SEMA5A: variants seen among roughly 807,000 people sequenced by gnomAD.
The protein encoded by SEMA5A is semaphorin-5A.
SEMA5A carries 55 observed loss-of-function variants against 135.5 expected under a neutral mutation model. The ratio of observed to expected loss-of-function variants is 0.41; its 90% CI spans 0.33 to 0.51. SEMA5A has a LOEUF of 0.51. Ranked by LOEUF, SEMA5A falls within the 20% of genes least tolerant of loss-of-function variation. The probability of loss-of-function intolerance (pLI) is 0.37; values close to 1 mark genes in which losing one functional copy is unlikely to be tolerated. For synonymous variants in SEMA5A, 580 were observed against 546.5 expected (o/e 1.06, Z -0.85); for missense variants, 1,290 against 1,419.9 (o/e 0.91, Z 1.47).
At chr5:9,264,763 T>C (rs1008315444) in intron 5 of SEMA5A, among the ~76,000 whole-genome samples, 6 of 152,162 alleles carry the variant, frequency 3.9e-5, no homozygotes, top group African/African-American at 1.4e-4. Flanking sequence ...TGTTTTATAA[T>C]TTTATGTATC....
In SEMA5A at chr5:9,508,306, A is replaced by G. The variant is rs541661010; in HGVS notation, c.-175+37278T>C. On this transcript the variant is annotated intron_variant, in intron 1 of 22. Transcript: ENST00000382496. ...AGCCCCCACCACCACCGCATCCAGT[A>G]GTCACCGAATCGTGTACATCAAGCC... Among the ~76,000 whole-genome samples the G allele has an allele frequency of 6.6e-5, 10 of 152,276 alleles. No homozygotes were observed. The South Asian group carries it at 8.3e-4, about 13-fold the overall frequency.
At chr5:9,329,149 C>T (rs1052976826) in intron 4 of SEMA5A, among the ~76,000 whole-genome samples, 5 of 152,284 alleles carry the variant, frequency 3.3e-5, no homozygotes, top group Admixed American at 3.3e-4. Context: ...CAGATCGATG[C>T]ACCATCATAT....
At chr5:9,342,387 G>A (rs1164660584) in intron 3 of SEMA5A, among the ~76,000 whole-genome samples, 1 of 152,170 alleles carries the variant, frequency 6.6e-6, no homozygotes, top group Non-Finnish European at 1.5e-5. Flanking sequence ...GGCACACTAA[G>A]GGCTGGCTCC....
At chr5:9,534,814 G>A (rs891444958) in intron 1 of SEMA5A, among the ~76,000 whole-genome samples, 2 of 152,176 alleles carry the variant, frequency 1.3e-5, no homozygotes, top group Non-Finnish European at 2.9e-5. Flanking sequence ...TCTAGCCATA[G>A]TCCAAGTTCA....
At chr5:9,409,341 C>G (rs551666111) in intron 2 of SEMA5A, among the ~76,000 whole-genome samples, 1 of 152,338 alleles carries the variant, frequency 6.6e-6, no homozygotes, top group African/African-American at 2.4e-5. Context: ...GGCTTTACCT[C>G]TCATCTAAGG....
chr5:9,186,307 G>T (rs895855071), intron 11 of SEMA5A, among the ~76,000 whole-genome samples: 31 of 152,154 alleles, frequency 2.0e-4, no homozygotes, highest in African/African-American at 7.2e-4. Context: ...CACCAAAGAG[G>T]CAAGACGCAG....
chr5:9,185,204 A>G (rs945021630), intron 11 of SEMA5A, among the ~76,000 whole-genome samples: 7 of 152,226 alleles, frequency 4.6e-5, no homozygotes, highest in Admixed American at 3.3e-4. Context: ...CTGGGATTAC[A>G]GGTGTGAGCC....
chr5:9,066,695 A>T, intron 16 of SEMA5A, 49 bp from the exon 17 acceptor site: 1 of 1,525,610 alleles, frequency 6.6e-7, no homozygotes, highest in Non-Finnish European at 9.0e-7. Context: ...AAACAGAGCA[A>T]CCTCACGAAG....
At position 9,036,420 on chromosome 5, in the gene SEMA5A, C is replaced by G. The variant is rs1579276949; in HGVS notation, c.*6477G>C. The G allele has an allele frequency of 1.0e-5, 1 of 96,568 alleles. No individual in the cohort carries two copies. Among genetic ancestry groups the G allele is most frequent in the African/African-American group, 4.3e-5 (1 of 23,332 alleles). 6.0% of individuals were successfully genotyped at this position (96,568 alleles called of 1,614,324 possible). A position where few individuals can be genotyped will look rare whatever the true frequency, so the allele number is the denominator to read the frequency against. ...GGTTCTCATTCCATGCTCACTGTATCTATACCAGTTGTCACCAGCCTGTGT... is the reference window on the plus strand; with the variant it reads ...GGTTCTCATTCCATGCTCACTGTATGTATACCAGTTGTCACCAGCCTGTGT... On this transcript the variant is annotated 3_prime_UTR_variant, in exon 23 of 23. Coordinates refer to ENST00000382496, the MANE Select transcript of SEMA5A (RefSeq NM_003966.3).
intron 18 of SEMA5A, among the ~76,000 whole-genome samples, chr5:9,056,999 T>C (rs1736929060): frequency 6.6e-6 from 1 of 152,224 alleles, no homozygotes; most frequent in Non-Finnish European, 1.5e-5. Flanking sequence ...GGGGAGGACA[T>C]TATGCTATGT....
rs543473322 is a variant in SEMA5A at position 9,544,408 on chromosome 5, G to A, written c.-175+1176C>T. On this transcript the variant is annotated intron_variant, in intron 1 of 22. Transcript: ENST00000382496. ...GACTTTACAGCGATCTTTTTCTCTG[G>A]AAGAGACCTTTCTAGTTAGAGCATT... is the stretch of plus-strand genomic sequence containing the variant. 1.1e-4 allele frequency among the ~76,000 whole-genome samples: 16 copies of A among 152,296 alleles called. 1 individual carries two copies. Among genetic ancestry groups the A allele is most frequent in the Admixed American group, 8.5e-4 (13 of 15,296 alleles).
chr5:9,348,952 G>T lies in SEMA5A; in HGVS notation c.125-11140C>A, dbSNP rs551278496. Among the ~76,000 whole-genome samples, 9 of 152,288 alleles carry T rather than the reference G, an allele frequency of 5.9e-5. No individual in the cohort carries two copies. In the South Asian group the frequency reaches 1.5e-3, roughly 25 times the overall value. On this transcript the variant is annotated intron_variant, in intron 3 of 22. Transcript: ENST00000382496. ...TCAGCTTTAAGACAATAAATCATTT[G>T]CTTAAGGAAAATCTCTTTCTGTCAC...
At chr5:9,131,969 A>C (rs1438974595) in intron 13 of SEMA5A, among the ~76,000 whole-genome samples, 4 of 152,206 alleles carry the variant, frequency 2.6e-5, no homozygotes. Flanking sequence ...CTTGTTAAAC[A>C]ACATTATGAT....
At chr5:9,479,235 A>G (rs963263579) in intron 1 of SEMA5A, among the ~76,000 whole-genome samples, 14 of 152,192 alleles carry the variant, frequency 9.2e-5, no homozygotes, top group African/African-American at 3.4e-4. Context: ...ATGAAAACAG[A>G]CTAATCTACA....
At chr5:9,215,101 G>T (rs1428796453) in intron 8 of SEMA5A, among the ~76,000 whole-genome samples, 1 of 152,066 alleles carries the variant, frequency 6.6e-6, no homozygotes, top group East Asian at 1.9e-4. Context: ...CTCTGCCCTG[G>T]GCAAAGCAGA....
chr5:9,401,245 G>A (rs764443170), intron 2 of SEMA5A, among the ~76,000 whole-genome samples: 43 of 152,298 alleles, frequency 2.8e-4, no homozygotes, highest in Non-Finnish European at 3.8e-4. Context: ...CATAAAAGTC[G>A]CGCCACACTG....
chr5:9,170,004 A>G (rs1471306555), intron 11 of SEMA5A, among the ~76,000 whole-genome samples: 2 of 152,202 alleles, frequency 1.3e-5, no homozygotes, highest in African/African-American at 4.8e-5. Flanking sequence ...CACCCGAGGG[A>G]AAGTGTTACT....
chr5:9,063,763 G>A (rs953550701), intron 17 of SEMA5A, among the ~76,000 whole-genome samples: 1 of 152,124 alleles, frequency 6.6e-6, no homozygotes, highest in African/African-American at 2.4e-5. Flanking sequence ...GCCAAGAGAG[G>A]CAGCAGCAGC....
At chr5:9,531,713 C>T (rs1737450621) in intron 1 of SEMA5A, among the ~76,000 whole-genome samples, 1 of 152,184 alleles carries the variant, frequency 6.6e-6, no homozygotes, top group Non-Finnish European at 1.5e-5. Context: ...AACTGGAAAA[C>T]AGATACCGAG....
Sources: allele counts gnomAD v4.1 joint callset (sites outside exome capture counted in the v4.1 genomes callset), GRCh38; gene constraint gnomAD v4.1.1; transcripts MANE v1.5; gene names NCBI Gene and HGNC (gene_info 2026-07-23, HGNC 2026-07-21).